LARGE1: variants seen among roughly 807,000 people sequenced by gnomAD.
LARGE1 encodes the protein xylosyl- and glucuronyltransferase LARGE1.
LARGE1 carries 43 observed loss-of-function variants against 87.6 expected under a neutral mutation model. The observed-to-expected ratio is 0.49, with a 90% confidence interval of 0.38 to 0.63. LARGE1 has a LOEUF of 0.63. LARGE1 is among the 30% of genes least tolerant of loss of function. The pLI, the probability that LARGE1 is intolerant of heterozygous loss-of-function variation, is 0.00. For missense variants in LARGE1, 802 were observed against 1,000.2 expected (o/e 0.80, Z 2.67); for synonymous variants, 434 against 394.6 (o/e 1.10, Z -1.18).
intron 1 of LARGE1, among the ~76,000 whole-genome samples, chr22:33,872,482 T>C (rs946551804): frequency 2.6e-5 from 4 of 151,702 alleles, no homozygotes; most frequent in Admixed American, 2.0e-4. Context: ...TCATCACCAG[T>C]GTCATCATCG....
intron 11 of LARGE1, among the ~76,000 whole-genome samples, chr22:33,261,973 C>T (rs150746894): frequency 3.3e-5 from 5 of 152,268 alleles, no homozygotes; most frequent in Admixed American, 6.5e-5. Context: ...TGAAGCACTA[C>T]AGCTGAACAA....
chr22:33,860,788 G>A (rs2063895416), intron 1 of LARGE1, among the ~76,000 whole-genome samples: 1 of 152,184 alleles, frequency 6.6e-6, no homozygotes, highest in Non-Finnish European at 1.5e-5. Context: ...ACCCTCCTGG[G>A]CCAGTCCCCC....
intron 11 of LARGE1, among the ~76,000 whole-genome samples, chr22:33,199,156 A>G (rs1397666915): frequency 6.6e-6 from 1 of 151,608 alleles, no homozygotes; most frequent in African/African-American, 2.4e-5. Context: ...CTTCTTTTTA[A>G]AAATATCTCT....
chr22:33,224,433 C>T (rs1011863308), intron 11 of LARGE1, among the ~76,000 whole-genome samples: 36 of 152,046 alleles, frequency 2.4e-4, no homozygotes, highest in African/African-American at 8.0e-4. Context: ...ATTGTGCCAG[C>T]GCTATTATCT....
intron 11 of LARGE1, among the ~76,000 whole-genome samples, chr22:33,262,510 A>C (rs1266586813): frequency 6.6e-6 from 1 of 152,112 alleles, no homozygotes; most frequent in African/African-American, 2.4e-5. Flanking sequence ...CCTGCCGCTC[A>C]TGCCATCTTG....
intron 12 of LARGE1, among the ~76,000 whole-genome samples, chr22:33,299,653 C>T (rs185925692): frequency 6.6e-6 from 1 of 152,146 alleles, no homozygotes; most frequent in South Asian, 2.1e-4. Flanking sequence ...TGCTGGGCAC[C>T]CGCCATAGCC....
rs1555907133 is a variant in LARGE1 at position 33,379,263 on chromosome 22, T to TTTC, written c.1131+2655_1131+2656insGAA. On this transcript the variant is annotated intron_variant, in intron 9 of 14. Coordinates refer to ENST00000397394, the MANE Select transcript of LARGE1 (RefSeq NM_133642.5). ...TTATATTTGCTGAGTGATTTCTTTCTTTTTTTTTTTTTTATTATACTTTAA... is the reference window on the plus strand; with the variant it reads ...TTATATTTGCTGAGTGATTTCTTTCTTTCTTTTTTTTTTTTTATTATACTTTAA... Among the ~76,000 whole-genome samples, 912 of 117,874 alleles carry TTTC rather than the reference T, an allele frequency of 7.7e-3. 9 individuals carry two copies. Among genetic ancestry groups the TTTC allele is most frequent in the East Asian group, 0.039 (152 of 3,890 alleles). The allele number at this position is 117,874 out of a possible 152,430, so 77.3% of individuals were successfully genotyped here.
chr22:33,860,166 T>A (rs57132054), intron 1 of LARGE1, among the ~76,000 whole-genome samples: 1,963 of 152,068 alleles, frequency 0.013, 45 homozygotes, highest in African/African-American at 0.045. Flanking sequence ...TAAAAAAAAA[T>A]TTTTTTGTAC....
chr22:33,523,624 G>A (rs1056587113), intron 6 of LARGE1, among the ~76,000 whole-genome samples: 3 of 151,944 alleles, frequency 2.0e-5, no homozygotes, highest in Non-Finnish European at 4.4e-5. Flanking sequence ...GAGCCCAGTA[G>A]AGGTTACACC....
At chr22:33,676,599 A>G (rs2081586586) in intron 2 of LARGE1, among the ~76,000 whole-genome samples, 1 of 152,182 alleles carries the variant, frequency 6.6e-6, no homozygotes, top group East Asian at 1.9e-4. Flanking sequence ...ACAAAAAAAA[A>G]AAATAAGAAA....
Position 33,815,760 on chromosome 22 carries a change from G to A in LARGE1, c.-82-54202C>T, listed in dbSNP as rs549894584. 2.6e-5 allele frequency among the ~76,000 whole-genome samples: 4 copies of A among 152,280 alleles called. No homozygotes were observed. In the South Asian group the frequency reaches 8.3e-4, roughly 32 times the overall value. ...GTCTTTCTGTGAACCACACCGGAAG[G>A]CATGTATGTATTCACATCCATGCAG... is the stretch of plus-strand genomic sequence containing the variant. On this transcript the variant is annotated intron_variant, in intron 1 of 14. Coordinates refer to ENST00000397394, the MANE Select transcript of LARGE1 (RefSeq NM_133642.5).
chr22:33,230,832 T>C (rs1262838289), intron 11 of LARGE1, among the ~76,000 whole-genome samples: 1 of 152,224 alleles, frequency 6.6e-6, no homozygotes, highest in South Asian at 2.1e-4. Flanking sequence ...AAAGAGACCA[T>C]TCAGACCATC....
intron 6 of LARGE1, among the ~76,000 whole-genome samples, chr22:33,521,454 T>C (rs2071589751): frequency 6.6e-6 from 1 of 152,244 alleles, no homozygotes; most frequent in Admixed American, 6.5e-5. Flanking sequence ...AGCCCGGGTT[T>C]GTTCACAACA....
chr22:33,095,486 C>T, the LARGE1 span, among the ~76,000 whole-genome samples: 2 of 152,174 alleles, frequency 1.3e-5, no homozygotes, highest in Non-Finnish European at 2.9e-5. Context: ...ATTATATACG[C>T]AGAGACCCTA....
intron 7 of LARGE1, among the ~76,000 whole-genome samples, chr22:33,420,318 G>A (rs1033426060): frequency 2.0e-5 from 3 of 152,150 alleles, no homozygotes; most frequent in African/African-American, 7.2e-5. Flanking sequence ...GGGTGGTATG[G>A]CCATAGACAG....
At chr22:33,188,465 A>C (rs2146185838) in intron 11 of LARGE1, among the ~76,000 whole-genome samples, 1 of 152,224 alleles carries the variant, frequency 6.6e-6, no homozygotes. Flanking sequence ...GCTACTCAAC[A>C]ATAGGCAGCC....
intron 4 of LARGE1, among the ~76,000 whole-genome samples, chr22:33,608,153 T>C (rs1468419653): frequency 6.6e-6 from 1 of 152,180 alleles, no homozygotes; most frequent in Admixed American, 6.5e-5. Flanking sequence ...TGGATTCTTA[T>C]TAACGGAGAA....
At chr22:33,796,562 A>G (rs1339831459) in intron 1 of LARGE1, among the ~76,000 whole-genome samples, 1 of 152,206 alleles carries the variant, frequency 6.6e-6, no homozygotes, top group Non-Finnish European at 1.5e-5. Context: ...TAAAAAATCA[A>G]TCAAAGAAGG....
At chr22:33,325,256 T>C (rs560471409) in intron 10 of LARGE1, among the ~76,000 whole-genome samples, 76 of 152,362 alleles carry the variant, frequency 5.0e-4, no homozygotes, top group African/African-American at 1.7e-3. Flanking sequence ...AATATCCATA[T>C]TTTGCTCTCT....
Sources: allele counts gnomAD v4.1 joint callset (sites outside exome capture counted in the v4.1 genomes callset), GRCh38; gene constraint gnomAD v4.1.1; transcripts MANE v1.5; gene names NCBI Gene and HGNC (gene_info 2026-07-23, HGNC 2026-07-21).